The following PTPRA variants were observed in gnomAD, a reference collection of about 807,000 sequenced individuals.
PTPRA encodes receptor-type tyrosine-protein phosphatase alpha.
In PTPRA, 25 loss-of-function variants were observed where a neutral mutation model predicts 104.8. The observed-to-expected ratio is 0.24, with a 90% CI of 0.17 to 0.33. The LOEUF is 0.33. Among genes scored for constraint, PTPRA ranks in the 10% least tolerant of loss-of-function variants. The pLI, the probability that PTPRA is intolerant of heterozygous loss-of-function variation, is 1.00. For missense variants in PTPRA, 765 were observed against 1,015.3 expected, an observed-to-expected ratio of 0.75 and a Z score of 3.35; for synonymous variants, 323 against 368.9, an observed-to-expected ratio of 0.88 and a Z score of 1.43.
chr20:2,910,167 A>C (rs1211369700), intron 1 of PTPRA, among the ~76,000 whole-genome samples: 25 of 123,232 alleles, frequency 2.0e-4, no homozygotes, highest in Admixed American at 4.8e-4. Flanking sequence ...GTCATATATA[A>C]TATGACGTAT....
intron 1 of PTPRA, among the ~76,000 whole-genome samples, chr20:2,882,890 A>T (rs2090138433): frequency 6.6e-6 from 1 of 152,062 alleles, no homozygotes; most frequent in South Asian, 2.1e-4. Context: ...TTTCTTTTTT[A>T]AAAAAATGCC....
chr20:2,969,308 C>T (rs1302033796), intron 5 of PTPRA, among the ~76,000 whole-genome samples: 2 of 151,122 alleles, frequency 1.3e-5, no homozygotes, highest in African/African-American at 2.4e-5. Context: ...AGTGCAATGG[C>T]GCAGTCTCGG....
intron 2 of PTPRA, among the ~76,000 whole-genome samples, chr20:2,930,558 T>A (rs1471970663): frequency 1.3e-5 from 2 of 152,172 alleles, no homozygotes; most frequent in African/African-American, 4.8e-5. Flanking sequence ...GTTGGCAGTG[T>A]TGGTTCCTTC....
At position 3,022,760 on chromosome 20, in the gene PTPRA, A is replaced by T; in HGVS notation, c.1400A>T (p.Lys467Met). Residue 467 changes from lysine (K) to methionine (M), a missense_variant, in exon 16 of 24, where the codon AAG becomes ATG. By Grantham distance (95) the Lys-to-Met change is moderately conservative (BLOSUM62 -1). Transcript: ENST00000399903. This position sits in a 1 kb window ranked among gnomAD's most constrained non-coding sequence, Gnocchi z 4.6. ...CTGGACATGATGCATACAGAACGGA[A>T]GGTGGACGTGTATGGCTTTGTGAGC... ...AMLDMMHTER[K>M]VDVYGFVSRI... The T allele has an allele frequency of 6.2e-7, 1 of 1,614,180 alleles. No homozygotes were observed. The highest frequency in any genetic ancestry group is 1.1e-5 in the South Asian group (1 of 91,078).
At chr20:2,990,348 C>T (rs2063116187) in intron 9 of PTPRA, among the ~76,000 whole-genome samples, 1 of 152,176 alleles carries the variant, frequency 6.6e-6, no homozygotes. Flanking sequence ...TCTCTTGTCA[C>T]ATGCTCCTTC....
chr20:3,035,706 C>T lies in PTPRA; in HGVS notation c.2042C>T (p.Thr681Ile), dbSNP rs774530796. ...GTCCGAGACCTCCTGGTCACCAACA[C>T]CAGGGTAAGATGGGTCGTGGGTGGA... is the stretch of plus-strand genomic sequence containing the variant. ...YTVRDLLVTN[T>I]RENKSRQIRQ... Residue 681 changes from threonine (T) to isoleucine (I), a missense_variant, in exon 21 of 24, where the codon ACC becomes ATC. By Grantham distance (89) the Thr-to-Ile change is moderately conservative. Coordinates refer to ENST00000399903, the MANE Select transcript of PTPRA (RefSeq NM_001385305.1). The surrounding 1 kb of genome is among the most constrained non-coding windows in gnomAD (Gnocchi z 5.8). 5.0e-6 allele frequency: 8 copies of T among 1,614,178 alleles called. No individual in the cohort carries two copies. The Admixed American group carries it at 1.3e-4, about 27-fold the overall frequency.
chr20:2,972,720 A>G (rs1284483016), intron 5 of PTPRA, among the ~76,000 whole-genome samples: 2 of 151,848 alleles, frequency 1.3e-5, no homozygotes, highest in Non-Finnish European at 2.9e-5. Flanking sequence ...ACTAAAAAAT[A>G]TGCTTTTTTT....
rs78158597 is a variant in PTPRA, at chr20:2,938,832, C to T, written c.-49-9150C>T. ...TGTCTTGTTTGAGCAGTTTCATGAG[C>T]GCTGTTTTAAATTCTTTTCAAATAA... On this transcript the variant is annotated intron_variant, in intron 2 of 23. Transcript: ENST00000399903. 2.8e-3 allele frequency among the ~76,000 whole-genome samples: 426 copies of T among 152,146 alleles called. 5 individuals carry two copies. In the East Asian group the frequency reaches 0.042, roughly 15 times the overall value.
chr20:2,943,218 C>CA lies in PTPRA; in HGVS notation c.-49-4764_-49-4763insA, dbSNP rs201014940. ...GTCTTGGAACATATCCCCCCACCCCCCCCCCAGATAAGGGGGTAGTACTGA... is the reference window on the plus strand; with the variant it reads ...GTCTTGGAACATATCCCCCCACCCCCACCCCCAGATAAGGGGGTAGTACTGA... On this transcript the variant is annotated intron_variant, in intron 2 of 23. Coordinates refer to ENST00000399903, the MANE Select transcript of PTPRA (RefSeq NM_001385305.1). Among the ~76,000 whole-genome samples the CA allele has an allele frequency of 4.2e-4, 62 of 146,802 alleles. No individual in the cohort carries two copies. The South Asian group carries it at 0.013, about 31-fold the overall frequency.
chr20:2,977,640 G>A (rs1206869313), intron 6 of PTPRA, among the ~76,000 whole-genome samples: 1 of 150,236 alleles, frequency 6.7e-6, no homozygotes, highest in Non-Finnish European at 1.5e-5. Flanking sequence ...GCAAGACTCT[G>A]TCTCAAAAAA....
At chr20:3,008,889 G>C (rs2064012693) in intron 11 of PTPRA, among the ~76,000 whole-genome samples, 1 of 152,050 alleles carries the variant, frequency 6.6e-6, no homozygotes, top group Non-Finnish European at 1.5e-5. Flanking sequence ...TCCAGCCTGG[G>C]CGACAGGGTG....
chr20:2,874,055 AGAG>A (rs1159630676), intron 1 of PTPRA, among the ~76,000 whole-genome samples: 1 of 152,228 alleles, frequency 6.6e-6, no homozygotes, highest in Non-Finnish European at 1.5e-5. Flanking sequence ...GTTGATTCTC[AGAG>A]AAGAAACTTA....
rs796922143 is a variant in PTPRA, at chr20:2,913,773, C to T, written c.-128-9434C>T. 1.3e-4 allele frequency among the ~76,000 whole-genome samples: 20 copies of T among 152,264 alleles called. 1 individual carries two copies. The highest frequency in any genetic ancestry group is 4.8e-4 in the African/African-American group (20 of 41,544). On this transcript the variant is annotated intron_variant, in intron 1 of 23. Coordinates refer to ENST00000399903, the MANE Select transcript of PTPRA (RefSeq NM_001385305.1). ...GTGTCTGCCAGTTTTCTCTACCATA[C>T]ATTTAACTATTTTTTCCTTTATAAT... is the stretch of plus-strand genomic sequence containing the variant.
At chr20:2,865,199 G>A in the PTPRA span, 3 of 1,614,104 alleles carry the variant, frequency 1.9e-6, no homozygotes, top group South Asian at 2.2e-5. The surrounding 1 kb of genome is among the most constrained non-coding windows in gnomAD (Gnocchi z 5.2). Context: ...CCTAGAAGAC[G>A]AGCTGGGGGG....
intron 9 of PTPRA, among the ~76,000 whole-genome samples, chr20:2,998,198 G>T (rs202046951): frequency 6.7e-6 from 1 of 148,562 alleles, no homozygotes; most frequent in South Asian, 2.1e-4. Flanking sequence ...AAAAAAAAAG[G>T]CTTAGCTCCT....
intron 1 of PTPRA, among the ~76,000 whole-genome samples, chr20:2,878,192 C>T (rs571097993): frequency 2.9e-5 from 4 of 139,532 alleles, no homozygotes; most frequent in East Asian, 4.5e-4. Flanking sequence ...TTCCATGCAT[C>T]GACAGCTGTA....
chr20:2,911,378 G>T (rs1490868480), intron 1 of PTPRA, among the ~76,000 whole-genome samples: 1 of 152,184 alleles, frequency 6.6e-6, no homozygotes, highest in African/African-American at 2.4e-5. Flanking sequence ...AATGATAAGA[G>T]ATGAGAATCC....
At chr20:2,948,905 T>TCC (rs1250964803) in intron 3 of PTPRA, among the ~76,000 whole-genome samples, 1 of 151,978 alleles carries the variant, frequency 6.6e-6, no homozygotes, top group African/African-American at 2.4e-5. Context: ...TGAGCCGAGA[T>TCC]TGCACCACTG....
chr20:2,948,922 A>C (rs931085183), intron 3 of PTPRA, among the ~76,000 whole-genome samples: 22 of 152,274 alleles, frequency 1.4e-4, no homozygotes, highest in African/African-American at 5.3e-4. Context: ...ACTGCACTCC[A>C]GCCTGGGTGA....
Sources: gnomAD v4.1 joint callset for allele counts (sites outside exome capture counted in the v4.1 genomes callset) on GRCh38, gnomAD v4.1.1 for gene constraint, Gnocchi (gnomAD v3.1) non-coding constraint, MANE v1.5 for transcripts, NCBI Gene and HGNC (gene_info 2026-07-23, HGNC 2026-07-21) for gene names.